F9: variants seen among roughly 807,000 people sequenced by gnomAD.
F9 encodes Christmas factor.
Under a neutral mutation model 34.1 loss-of-function variants are expected in F9, and 2 were observed. That is an observed-to-expected ratio of 0.06 (90% CI 0.02 to 0.18). The LOEUF is 0.18. Ranked by LOEUF, F9 falls within the 10% of genes least tolerant of loss-of-function variation. The pLI is 1.00. For synonymous variants in F9, 137 were observed against 118.8 expected, an observed-to-expected ratio of 1.15 and a Z score of -1.00; for missense variants, 216 against 345.1, an observed-to-expected ratio of 0.63 and a Z score of 2.96.
At chrX:139,541,964 C>T (rs1395831718) in intron 4 of F9, among the ~76,000 whole-genome samples, 2 of 111,543 alleles carry the variant, frequency 1.8e-5, no homozygotes, top group African/African-American at 3.3e-5. Context: ...GATTGAGAAA[C>T]GCACACAGTG....
chrX:139,558,038 T>A (rs993574047), intron 6 of F9, among the ~76,000 whole-genome samples: 1 of 112,669 alleles, frequency 8.9e-6, no homozygotes, highest in African/African-American at 3.2e-5. Flanking sequence ...TGCCACCCCA[T>A]GGTGCCCAGA....
chrX:139,536,117 C>CATAT (rs756897171), intron 1 of F9, among the ~76,000 whole-genome samples: 1 of 103,155 alleles, frequency 9.7e-6, no homozygotes, highest in Non-Finnish European at 2.0e-5. Flanking sequence ...ATGATTATCT[C>CATAT]ATATATATAT....
At position 139,543,651 on chromosome X, in the gene F9, A is replaced by AAT. The variant is rs1160114752; in HGVS notation, c.391+2466_391+2467dup. Among the ~76,000 whole-genome samples, 4 of 112,417 alleles carry AAT rather than the reference A, an allele frequency of 3.6e-5. No homozygotes were observed. In the East Asian group the frequency reaches 1.1e-3, roughly 31 times the overall value. On this transcript the variant is annotated intron_variant, in intron 4 of 7. Coordinates refer to ENST00000218099, the MANE Select transcript of F9 (RefSeq NM_000133.4). The stretch of plus-strand genomic sequence containing the variant: ...TGTCACACAAGTGGATATATCAGGA[A>AAT]ATATAAAGGCAGAATAAACTAAAGC...
chrX:139,533,006 G>C (rs972608041), intron 1 of F9, among the ~76,000 whole-genome samples: 3 of 111,345 alleles, frequency 2.7e-5, no homozygotes, highest in African/African-American at 9.8e-5. Context: ...CTGGCAACAC[G>C]CTAATGAAAT....
intron 6 of F9, among the ~76,000 whole-genome samples, chrX:139,554,124 G>T (rs915273012): frequency 1.8e-5 from 2 of 110,661 alleles, no homozygotes; most frequent in Admixed American, 9.6e-5. Context: ...TGGTGGTTGT[G>T]GTTGTTCCGG....
intron 1 of F9, among the ~76,000 whole-genome samples, chrX:139,535,257 G>A (rs1341813722): frequency 1.8e-5 from 2 of 111,008 alleles, no homozygotes; most frequent in Admixed American, 9.5e-5. Context: ...TACTTGGGAG[G>A]CTGAGGCAGG....
At position 139,563,261 on chromosome X, in the gene F9, CGAAGTG is replaced by C. The variant is rs1928167454; in HGVS notation, c.*1193_*1198del. The C allele has an allele frequency of 9.0e-6, 1 of 110,527 alleles. No individual in the cohort carries two copies. 9.1% of individuals were successfully genotyped at this position (110,527 alleles called of 1,213,427 possible). On this transcript the variant is annotated 3_prime_UTR_variant, in exon 8 of 8. Transcript: ENST00000218099. The stretch of plus-strand genomic sequence containing the variant: ...CATGTCTCCTTTAACTAGCATACCC[CGAAGTG>C]GAGAAGGGTGCAGCAGGCTCAAAGG...
intron 1 of F9, among the ~76,000 whole-genome samples, chrX:139,532,024 T>G (rs1927354207): frequency 8.9e-6 from 1 of 112,102 alleles, no homozygotes; most frequent in Non-Finnish European, 1.9e-5. Flanking sequence ...CTTTCTTCTA[T>G]ATAAGTGGTG....
intron 1 of F9, among the ~76,000 whole-genome samples, chrX:139,536,163 G>GTA (rs1288357498): frequency 1.0e-5 from 1 of 99,222 alleles, no homozygotes; most frequent in African/African-American, 3.6e-5. Flanking sequence ...ATATGTGTGT[G>GTA]TATATATGTA....
At chrX:139,560,207 C>T (rs1218842009) in intron 6 of F9, among the ~76,000 whole-genome samples, 2 of 111,851 alleles carry the variant, frequency 1.8e-5, no homozygotes, top group East Asian at 2.8e-4. Context: ...AAGCACAGCC[C>T]TTATGGAGGC....
At position 139,537,090 on chromosome X, in the gene F9, C is replaced by G. The variant is rs137852223; in HGVS notation, c.169C>G (p.Gln57Glu). Residue 57 changes from glutamine (Q) to glutamate (E), a missense_variant, in exon 2 of 8, where the codon CAA becomes GAA. Around this residue, in one of 2 missense-constraint regions of F9, gnomAD observed 177 missense variants for 311.8 expected, o/e 0.57. Coordinates refer to ENST00000218099, the MANE Select transcript of F9 (RefSeq NM_000133.4). Reference sequence around the variant, plus strand: ...TTCAGGTAAATTGGAAGAGTTTGTTCAAGGGAACCTTGAGAGAGAATGTAT... The same window carrying G: ...TTCAGGTAAATTGGAAGAGTTTGTTGAAGGGAACCTTGAGAGAGAATGTAT... ...YNSGKLEEFV[Q>E]GNLERECMEE... 8.3e-7 allele frequency: 1 copy of G among 1,208,914 alleles called. No individual in the cohort carries two copies. The highest frequency in any genetic ancestry group is 1.1e-6 in the Non-Finnish European group (1 of 894,312).
chrX:139,537,389 A>G lies in F9; in HGVS notation c.277+3A>G. 8.5e-7 allele frequency: 1 copy of G among 1,181,891 alleles called. No individual in the cohort carries two copies. The highest frequency in any genetic ancestry group is 1.2e-6 in the Non-Finnish European group (1 of 868,876). Reference sequence around the variant, plus strand: ...TGAATTTTGGAAGCAGTATGTTGGTAAGCAATTCATTTTATCCTCTAGCTA... The same window carrying G: ...TGAATTTTGGAAGCAGTATGTTGGTGAGCAATTCATTTTATCCTCTAGCTA... On this transcript the variant is annotated splice_donor_region_variant and intron_variant, in intron 3 of 7. Coordinates refer to ENST00000218099, the MANE Select transcript of F9 (RefSeq NM_000133.4).
At chrX:139,557,915 C>T (rs1330433295) in intron 6 of F9, among the ~76,000 whole-genome samples, 3 of 112,366 alleles carry the variant, frequency 2.7e-5, no homozygotes, top group African/African-American at 6.5e-5. Context: ...ATCCCTGCAG[C>T]CCCATTTCAC....
At chrX:139,556,387 T>G (rs1428978006) in intron 6 of F9, among the ~76,000 whole-genome samples, 1 of 111,963 alleles carries the variant, frequency 8.9e-6, no homozygotes, top group Non-Finnish European at 1.9e-5. Context: ...AGCTTTGGCC[T>G]GAAGCTATCT....
intron 6 of F9, among the ~76,000 whole-genome samples, chrX:139,558,560 A>G (rs894689708): frequency 1.2e-4 from 14 of 113,123 alleles, no homozygotes; most frequent in Admixed American, 5.5e-4. Context: ...GGGTTGCAAA[A>G]GAGACTACAG....
chrX:139,540,424 T>C (rs866733339), intron 3 of F9, among the ~76,000 whole-genome samples: 1 of 112,062 alleles, frequency 8.9e-6, no homozygotes, highest in Non-Finnish European at 1.9e-5. Flanking sequence ...TATCGAATGC[T>C]GTCTCTCACA....
intron 1 of F9, among the ~76,000 whole-genome samples, chrX:139,533,980 A>C (rs1319690888): frequency 1.8e-5 from 2 of 112,207 alleles, no homozygotes; most frequent in Admixed American, 1.9e-4. Context: ...GAACCAGAAT[A>C]GAGTGATTAT....
At chrX:139,555,587 G>A (rs369686331) in intron 6 of F9, among the ~76,000 whole-genome samples, 2 of 112,797 alleles carry the variant, frequency 1.8e-5, no homozygotes, top group African/African-American at 6.4e-5. Flanking sequence ...GGAACGGCGT[G>A]AGGCCAATGG....
In F9 at chrX:139,562,654, T is replaced by G. The variant is rs1346093695; in HGVS notation, c.*583T>G. On this transcript the variant is annotated 3_prime_UTR_variant, in exon 8 of 8. Coordinates refer to ENST00000218099, the MANE Select transcript of F9 (RefSeq NM_000133.4). ...CAGTTTTTCTCTTTCTTACTCCCTC[T>G]CTCCCTTTTACCCTCCATGGTCGTT... The G allele has an allele frequency of 8.9e-6, 1 of 111,856 alleles. No individual in the cohort carries two copies. Among genetic ancestry groups the G allele is most frequent in the African/African-American group, 3.3e-5 (1 of 30,180 alleles). 9.2% of individuals were successfully genotyped at this position (111,856 alleles called of 1,213,427 possible).
Sources: allele counts gnomAD v4.1 joint callset (sites outside exome capture counted in the v4.1 genomes callset), GRCh38; gene constraint gnomAD v4.1.1; regional missense constraint gnomAD v4.1.1; transcripts MANE v1.5; gene names NCBI Gene and HGNC (gene_info 2026-07-23, HGNC 2026-07-21).